IL17RD: variants seen among roughly 807,000 people sequenced by gnomAD.
IL17RD encodes the protein interleukin-17 receptor D.
A neutral mutation model predicts 80.5 loss-of-function variants in IL17RD; 52 were observed. The observed-to-expected ratio is 0.65, with a 90% CI of 0.52 to 0.81. The LOEUF is 0.81. Among genes scored for constraint, IL17RD ranks in the 40% least tolerant of loss-of-function variants. The pLI, the probability that IL17RD is intolerant of heterozygous loss-of-function variation, is 0.00. For synonymous variants in IL17RD, 416 were observed against 391.8 expected, an observed-to-expected ratio of 1.06 and a Z score of -0.73; for missense variants, 1,024 against 955.1, an observed-to-expected ratio of 1.07 and a Z score of -0.95.
rs35526728 is a variant in IL17RD, at chr3:57,116,890, TAAA to T, written c.185-2076_185-2074del. On this transcript the variant is annotated intron_variant, in intron 2 of 12. Transcript: ENST00000296318. ...GGCTGAGACCAGCTTCCCAAAATATTAAAAAAAAAAAAAAAAAAGCAAGATCCT... is the reference window on the plus strand; with the variant it reads ...GGCTGAGACCAGCTTCCCAAAATATTAAAAAAAAAAAAAAAGCAAGATCCT... Among the ~76,000 whole-genome samples, 723 of 136,366 alleles carry T rather than the reference TAAA, an allele frequency of 5.3e-3. 3 individuals carry two copies. Among genetic ancestry groups the T allele is most frequent in the African/African-American group, 8.2e-3 (298 of 36,396 alleles). 89.5% of individuals were successfully genotyped at this position (136,366 alleles called of 152,430 possible). A position where few individuals can be genotyped will look rare whatever the true frequency, so the allele number is the denominator to read the frequency against.
intron 5 of IL17RD, 21 bp from the exon 6 acceptor site, chr3:57,106,175 CAT>C: frequency 1.3e-6 from 2 of 1,594,910 alleles, no homozygotes. Context: ...AATAAAGATA[CAT>C]GTTTTTAGTT....
At chr3:57,152,087 C>A (rs933786907) in intron 1 of IL17RD, among the ~76,000 whole-genome samples, 1 of 152,126 alleles carries the variant, frequency 6.6e-6, no homozygotes, top group Non-Finnish European at 1.5e-5. Flanking sequence ...AAGCACCTTG[C>A]ACTCCCTCTT....
chr3:57,155,762 T>C (rs950056597), intron 1 of IL17RD, among the ~76,000 whole-genome samples: 1 of 152,202 alleles, frequency 6.6e-6, no homozygotes, highest in Admixed American at 6.5e-5. Flanking sequence ...AGCTAATTTA[T>C]GTATTTTTAG....
chr3:57,116,127 C>T (rs1707210422), intron 2 of IL17RD, among the ~76,000 whole-genome samples: 2 of 152,084 alleles, frequency 1.3e-5, no homozygotes, highest in African/African-American at 4.8e-5. Flanking sequence ...GCATAACATA[C>T]ACACACTAAA....
rs1350167230 is a variant in IL17RD, at chr3:57,104,362, G to A, written c.793C>T (p.Pro265Ser). ...TTSCLLQNVSPGDYIIELVDD... is the reference protein window; with the variant it reads ...TTSCLLQNVSSGDYIIELVDD... ...CATACCTCAATTATATAATCCCCTG[G>A]AGAAACATTTTGAAGGAGGCAGCTG... The change falls in exon 8 of 13, where the codon CCA (proline) becomes TCA (serine). Residue 265 changes from proline (P) to serine (S), a missense_variant. Pro to Ser is a moderately conservative substitution (Grantham distance 74). Coordinates refer to ENST00000296318, the MANE Select transcript of IL17RD (RefSeq NM_017563.5). 1 of 1,609,172 alleles carries A rather than the reference G, an allele frequency of 6.2e-7. No homozygotes were observed.
chr3:57,127,244 ATATATAT>A (rs1707486575), intron 1 of IL17RD, among the ~76,000 whole-genome samples: 4 of 97,928 alleles, frequency 4.1e-5, no homozygotes, highest in African/African-American at 2.0e-4. Flanking sequence ...ATATATAAAT[ATATATAT>A]AAATATATAT....
At chr3:57,111,360 C>T (rs185896527) in intron 3 of IL17RD, among the ~76,000 whole-genome samples, 12 of 152,280 alleles carry the variant, frequency 7.9e-5, no homozygotes, top group East Asian at 5.8e-4. Context: ...TACAGCTTCA[C>T]ATTTTAGGGT....
intron 1 of IL17RD, among the ~76,000 whole-genome samples, chr3:57,130,852 A>C (rs745805420): frequency 7.2e-5 from 11 of 152,214 alleles, no homozygotes; most frequent in Non-Finnish European, 8.8e-5. Context: ...ACAACAACAA[A>C]AAAGCACCAG....
intron 1 of IL17RD, among the ~76,000 whole-genome samples, chr3:57,127,383 A>AATATAAATATAAATATATATAT (rs1559477359): frequency 1.1e-5 from 1 of 92,014 alleles, no homozygotes; most frequent in African/African-American, 4.5e-5. Flanking sequence ...TATATAAATA[A>AATATAAATATAAATATATATAT]ATAAATAAAT....
intron 2 of IL17RD, among the ~76,000 whole-genome samples, chr3:57,117,590 T>C (rs1031688936): frequency 1.1e-4 from 17 of 152,230 alleles, no homozygotes; most frequent in African/African-American, 3.9e-4. Context: ...GACAAAGGAA[T>C]AGAAAAATAC....
chr3:57,115,367 A>G (rs1707193633), intron 2 of IL17RD, among the ~76,000 whole-genome samples: 1 of 152,180 alleles, frequency 6.6e-6, no homozygotes, highest in Admixed American at 6.5e-5. Context: ...TAAAGATGTT[A>G]ACTAGCATTG....
chr3:57,100,188 C>T (rs903758964), intron 11 of IL17RD, among the ~76,000 whole-genome samples: 4 of 152,324 alleles, frequency 2.6e-5, no homozygotes, highest in Middle Eastern at 3.4e-3. Context: ...AACTGTGTGC[C>T]ATTGGCTAGA....
chr3:57,110,065 C>A, intron 4 of IL17RD, 128 bp downstream of exon 4: 1 of 1,045,650 alleles, frequency 9.6e-7, no homozygotes. Flanking sequence ...CTGTACCATT[C>A]TTGCCCACCT....
At chr3:57,138,095 C>T (rs976430371) in intron 1 of IL17RD, among the ~76,000 whole-genome samples, 11 of 151,920 alleles carry the variant, frequency 7.2e-5, no homozygotes, top group Admixed American at 2.0e-4. Flanking sequence ...CCAGGGGCTG[C>T]GGGGAGAGGA....
intron 1 of IL17RD, among the ~76,000 whole-genome samples, chr3:57,148,342 A>G (rs1170708681): frequency 1.3e-5 from 2 of 149,830 alleles, no homozygotes; most frequent in Non-Finnish European, 3.0e-5. Flanking sequence ...AAAAAAAAAG[A>G]AAAGAAAAAA....
At position 57,098,139 on chromosome 3, in the gene IL17RD, C is replaced by G; in HGVS notation, c.1564G>C (p.Gly522Arg). 1 of 1,613,962 alleles carries G rather than the reference C, an allele frequency of 6.2e-7. No individual in the cohort carries two copies. ...CTGCTGCCCTGTCGCGTGTGCTGCCCCGGCTCCTGGAGGCCGTGGTCTCGG... is the reference window on the plus strand; with the variant it reads ...CTGCTGCCCTGTCGCGTGTGCTGCCGCGGCTCCTGGAGGCCGTGGTCTCGG... ...HSRDHGLQEPGQHTRQGSRRN... is the reference protein window; with the variant it reads ...HSRDHGLQEPRQHTRQGSRRN... The change falls in exon 12 of 13, where the codon GGG (glycine) becomes CGG (arginine). Residue 522 changes from glycine to arginine, a missense_variant. Gly to Arg is a moderately radical substitution (Grantham distance 125). Transcript: ENST00000296318.
chr3:57,100,746 GA>G (rs1706809313), intron 11 of IL17RD, among the ~76,000 whole-genome samples: 1 of 152,242 alleles, frequency 6.6e-6, no homozygotes, highest in South Asian at 2.1e-4. Flanking sequence ...CTTCTCAGCA[GA>G]ACTCCTCCAA....
upstream of IL17RD, among the ~76,000 whole-genome samples, chr3:57,170,071 T>A (rs1011773748): frequency 6.6e-6 from 1 of 152,184 alleles, no homozygotes; most frequent in African/African-American, 2.4e-5. Flanking sequence ...ACTCTTCCTG[T>A]CTAGGACGCC....
chr3:57,090,589 G>A lies in IL17RD; in HGVS notation c.*5804C>T, dbSNP rs553303407. ...CCTGATTAATTTTGTATTTTTAGTAGAGACAGGGTTTCACCATGTTGGTCA... is the reference window on the plus strand; with the variant it reads ...CCTGATTAATTTTGTATTTTTAGTAAAGACAGGGTTTCACCATGTTGGTCA... On this transcript the variant is annotated 3_prime_UTR_variant, in exon 13 of 13. Coordinates refer to ENST00000296318, the MANE Select transcript of IL17RD (RefSeq NM_017563.5). 1 of 152,354 alleles carries A rather than the reference G, an allele frequency of 6.6e-6. No homozygotes were observed. Among genetic ancestry groups the A allele is most frequent in the South Asian group, 2.1e-4 (1 of 4,828 alleles). The allele number at this position is 152,354 out of a possible 1,614,324, so 9.4% of individuals were successfully genotyped here.
Sources: allele counts gnomAD v4.1 joint callset (sites outside exome capture counted in the v4.1 genomes callset), GRCh38; gene constraint gnomAD v4.1.1; transcripts MANE v1.5; gene names NCBI Gene and HGNC (gene_info 2026-07-23, HGNC 2026-07-21).